Variants in ERC2 observed in about 807,000 individuals in gnomAD.
The protein encoded by ERC2 is ELKS/RAB6-interacting/CAST family member 2.
In ERC2, 42 loss-of-function variants were observed where a neutral mutation model predicts 114.8. The ratio of observed to expected loss-of-function variants is 0.37; its 90% CI spans 0.29 to 0.47. The LOEUF (loss-of-function observed/expected upper bound fraction) is 0.47. Ranked by LOEUF, ERC2 falls within the 20% of genes least tolerant of loss-of-function variation. The probability of loss-of-function intolerance (pLI) is 0.99; values close to 1 mark genes in which losing one functional copy is unlikely to be tolerated. For synonymous variants in ERC2, 454 were observed against 425.5 expected, an observed-to-expected ratio of 1.07 and a Z score of -0.82; for missense variants, 939 against 1,150.7, an observed-to-expected ratio of 0.82 and a Z score of 2.66.
intron 12 of ERC2, among the ~76,000 whole-genome samples, chr3:55,950,917 C>G (rs920055681): frequency 1.3e-5 from 2 of 152,094 alleles, no homozygotes; most frequent in Admixed American, 6.5e-5. Context: ...CATGTGTGGA[C>G]AGGTGGTGGA....
At chr3:55,839,949 T>C (rs2061059432) in intron 14 of ERC2, among the ~76,000 whole-genome samples, 2 of 151,964 alleles carry the variant, frequency 1.3e-5, no homozygotes, top group Admixed American at 6.6e-5. Context: ...AAGTTATCTA[T>C]TGTAAATATA....
chr3:55,600,367 A>C (rs1282297669), intron 17 of ERC2, among the ~76,000 whole-genome samples: 1 of 151,914 alleles, frequency 6.6e-6, no homozygotes, highest in Non-Finnish European at 1.5e-5. Flanking sequence ...AAGAAAAAAC[A>C]ATCTATAAGG....
At chr3:56,007,523 C>T (rs2072591166) in intron 9 of ERC2, among the ~76,000 whole-genome samples, 1 of 151,938 alleles carries the variant, frequency 6.6e-6, no homozygotes, top group South Asian at 2.1e-4. Context: ...GATCTAATTG[C>T]CGTAGAATCA....
At chr3:55,908,639 C>T (rs1270510372) in intron 13 of ERC2, among the ~76,000 whole-genome samples, 1 of 152,148 alleles carries the variant, frequency 6.6e-6, no homozygotes, top group African/African-American at 2.4e-5. Flanking sequence ...TCACTCTCTT[C>T]CCCTCTTTGG....
At chr3:55,524,583 G>A (rs773036278) in intron 17 of ERC2, among the ~76,000 whole-genome samples, 1 of 147,492 alleles carries the variant, frequency 6.8e-6, no homozygotes, top group Admixed American at 6.8e-5. Context: ...AACCTGGACA[G>A]GAAGACTTGG....
Position 56,296,043 on chromosome 3 carries a change from C to A in ERC2, c.1050G>T (p.Glu350Asp), listed in dbSNP as rs780112381. 39 of 1,598,680 alleles carry A rather than the reference C, an allele frequency of 2.4e-5. No individual in the cohort carries two copies. Among genetic ancestry groups the A allele is most frequent in the Non-Finnish European group, 3.2e-5 (37 of 1,171,054 alleles). ...CCTCTCTAAGATGTATGTTTTCCTT[C>A]TCTTTCTGATCTAAAATCACTTCCA... Reference protein sequence around the residue: ...SHLEVILDQKEKENIHLREEL... With the variant: ...SHLEVILDQKDKENIHLREEL... Residue 350 changes from glutamate (E) to aspartate (D), a missense_variant, in exon 3 of 18, where the codon GAG becomes GAT. This residue lies in a region of ERC2 where 148 missense variants were observed against 159.1 expected (regional missense o/e 0.93). Coordinates refer to ENST00000288221, the MANE Select transcript of ERC2 (RefSeq NM_015576.3).
rs533399943 is a variant in ERC2 at position 56,200,479 on chromosome 3, G to A, written c.1075-26959C>T. ...CTCACCCAACTGTGAATCAGAAAGT[G>A]TTCCTATCCTCATGTCTAAAACTCC... On this transcript the variant is annotated intron_variant, in intron 3 of 17. Transcript: ENST00000288221. Among the ~76,000 whole-genome samples the A allele has an allele frequency of 4.0e-4, 61 of 152,264 alleles. 1 individual carries two copies. In the South Asian group the frequency reaches 0.012, roughly 31 times the overall value.
intron 15 of ERC2, among the ~76,000 whole-genome samples, chr3:55,719,026 G>A (rs796710291): frequency 3.3e-5 from 5 of 152,108 alleles, no homozygotes; most frequent in African/African-American, 4.8e-5. Context: ...TAGTGAAGTC[G>A]TACATTTCCT....
intron 5 of ERC2, among the ~76,000 whole-genome samples, chr3:56,144,457 A>T (rs923504652): frequency 6.6e-6 from 1 of 152,240 alleles, no homozygotes; most frequent in African/African-American, 2.4e-5. Context: ...AAACTGATTC[A>T]TCTGAAATTG....
chr3:55,919,001 A>G (rs568128739), intron 13 of ERC2, among the ~76,000 whole-genome samples: 1 of 152,266 alleles, frequency 6.6e-6, no homozygotes, highest in Admixed American at 6.5e-5. Context: ...GAAATGCTCA[A>G]GAATGTCCAC....
intron 2 of ERC2, among the ~76,000 whole-genome samples, chr3:56,341,020 G>A (rs2058070528): frequency 1.3e-5 from 2 of 152,118 alleles, no homozygotes; most frequent in Admixed American, 1.3e-4. Flanking sequence ...TCACTGAATG[G>A]TACCCAGAAG....
intron 2 of ERC2, among the ~76,000 whole-genome samples, chr3:56,322,987 C>T (rs2057196154): frequency 6.6e-6 from 1 of 152,084 alleles, no homozygotes; most frequent in Non-Finnish European, 1.5e-5. Context: ...TCTCGCAGGA[C>T]TATATTAGTT....
rs577920317 is a variant in ERC2 at position 55,642,916 on chromosome 3, T to C, written c.*39+40878A>G. Among the ~76,000 whole-genome samples, 373 of 152,364 alleles carry C rather than the reference T, an allele frequency of 2.4e-3. 1 individual carries two copies. The highest frequency in any genetic ancestry group is 8.7e-3 in the African/African-American group (361 of 41,594). On this transcript the variant is annotated intron_variant, in intron 17 of 17. Transcript: ENST00000288221. Reference sequence around the variant, plus strand: ...AGTCACATATATACAAGTGTATGTATGCATCTATCTGCCTAAAGAGGAAAT... The same window carrying C: ...AGTCACATATATACAAGTGTATGTACGCATCTATCTGCCTAAAGAGGAAAT...
chr3:56,329,751 T>C (rs1223873754), intron 2 of ERC2, among the ~76,000 whole-genome samples: 1 of 151,878 alleles, frequency 6.6e-6, no homozygotes, highest in East Asian at 1.9e-4. Flanking sequence ...TATAGTCCTC[T>C]GTAGTTTTCC....
In ERC2 at chr3:56,230,109, G is replaced by A. The variant is rs867578451; in HGVS notation, c.1075-56589C>T. On this transcript the variant is annotated intron_variant, in intron 3 of 17. Transcript: ENST00000288221. ...TTGAACTCCTGACCTCAGATAATCC[G>A]CCAGCCTCGGCCTCCCAAAGTGCTG... Among the ~76,000 whole-genome samples the A allele has an allele frequency of 7.2e-5, 11 of 151,856 alleles. No homozygotes were observed. The Middle Eastern group carries it at 0.01, about 141-fold the overall frequency.
At chr3:55,603,012 A>G (rs1194509979) in intron 17 of ERC2, among the ~76,000 whole-genome samples, 1 of 152,128 alleles carries the variant, frequency 6.6e-6, no homozygotes, top group Non-Finnish European at 1.5e-5. Flanking sequence ...CTCCTTAACA[A>G]TAAGAAGGGC....
At chr3:55,544,769 A>G (rs930900473) in intron 17 of ERC2, among the ~76,000 whole-genome samples, 11 of 152,284 alleles carry the variant, frequency 7.2e-5, no homozygotes, top group South Asian at 4.2e-4. Context: ...CCACACAACC[A>G]TATACAAATC....
intron 2 of ERC2, among the ~76,000 whole-genome samples, chr3:56,379,742 G>T (rs35947588): frequency 0.23 from 35,078 of 152,022 alleles, 4,643 homozygotes; most frequent in Non-Finnish European, 0.29. Flanking sequence ...GAAAGCCTGC[G>T]ACAGAAATCT....
chr3:56,267,085 G>A (rs999566412), intron 3 of ERC2, among the ~76,000 whole-genome samples: 1 of 151,802 alleles, frequency 6.6e-6, no homozygotes, highest in Non-Finnish European at 1.5e-5. Flanking sequence ...TTCAGGTTTT[G>A]GAATATTTGC....
Sources: allele counts gnomAD v4.1 joint callset (sites outside exome capture counted in the v4.1 genomes callset), GRCh38; gene constraint gnomAD v4.1.1; regional missense constraint gnomAD v4.1.1; transcripts MANE v1.5; gene names NCBI Gene and HGNC (gene_info 2026-07-23, HGNC 2026-07-21).